KMT2D: variants seen among roughly 807,000 people sequenced by gnomAD.
KMT2D encodes histone-lysine N-methyltransferase 2D.
A neutral mutation model predicts 512.7 loss-of-function variants in KMT2D; 55 were observed. That is an observed-to-expected ratio of 0.11 (90% CI 0.09 to 0.13). The LOEUF (loss-of-function observed/expected upper bound fraction) is 0.13, where lower values mean the gene tolerates loss of function less well. Ranked by LOEUF, KMT2D falls within the 10% of genes least tolerant of loss-of-function variation. The pLI, the probability that KMT2D is intolerant of heterozygous loss-of-function variation, is 1.00. For missense variants in KMT2D, 6,061 were observed against 7,127.9 expected, an observed-to-expected ratio of 0.85 and a Z score of 5.39; for synonymous variants, 2,995 against 2,904.0, an observed-to-expected ratio of 1.03 and a Z score of -1.01.
At position 49,050,151 on chromosome 12, in the gene KMT2D, C is replaced by G. The variant is rs2120646352; in HGVS notation, c.3437G>C (p.Ser1146Thr). Residue 1146 changes from serine to threonine, a missense_variant, in exon 12 of 55, where the codon AGT becomes ACT. Transcript: ENST00000301067. ...EPGQTPGSLA[S>T]ELKGSPVLLD... is the part of the protein sequence containing the mutation. ...GAGCACAGGGGAGCCTTTAAGTTCA[C>G]TAGCCAAACTGCCAGGGGTCTGTCC... The G allele has an allele frequency of 1.2e-6, 2 of 1,613,574 alleles. No homozygotes were observed. The highest frequency in any genetic ancestry group is 1.7e-6 in the Non-Finnish European group (2 of 1,179,802).
Position 49,055,338 on chromosome 12 carries a change from T to A in KMT2D, c.-14A>T, listed in dbSNP as rs746552370. ...CTGGCTGTCCATCCCTCTCTCCGACTGGGCAGGGCCCTCTCGGGGAGACCT... is the reference window on the plus strand; with the variant it reads ...CTGGCTGTCCATCCCTCTCTCCGACAGGGCAGGGCCCTCTCGGGGAGACCT... On this transcript the variant is annotated 5_prime_UTR_variant, in exon 2 of 55. Transcript: ENST00000301067. 2 of 1,613,398 alleles carry A rather than the reference T, an allele frequency of 1.2e-6. No individual in the cohort carries two copies. The highest frequency in any genetic ancestry group is 1.7e-6 in the Non-Finnish European group (2 of 1,179,470).
Position 49,038,530 on chromosome 12 carries a change from C to T in KMT2D, c.8826G>A (p.Leu2942=), listed in dbSNP as rs1292633809. ...QKPSAPPAPE[L]NNSLHPTPHT... is the part of the protein sequence containing the mutation. ...GGGGTGTTGGATGAAGACTGTTGTT[C>T]AATTCAGGGGCCGGTGGGGCTGAGG... The change falls in exon 35 of 55, where the codon TTG becomes TTA. Residue 2942 remains leucine, a synonymous_variant. Coordinates refer to ENST00000301067, the MANE Select transcript of KMT2D (RefSeq NM_003482.4). The surrounding 1 kb of genome is among the most constrained non-coding windows in gnomAD (Gnocchi z 5.7). 1.2e-6 allele frequency: 2 copies of T among 1,609,770 alleles called. No homozygotes were observed. Among genetic ancestry groups the T allele is most frequent in the Non-Finnish European group, 1.7e-6 (2 of 1,176,838 alleles).
At chr12:49,053,184 G>T (rs370649060) in intron 8 of KMT2D, 23 bp downstream of exon 8, 2 of 1,610,330 alleles carry the variant, frequency 1.2e-6, no homozygotes, top group South Asian at 1.1e-5. Context: ...AGGGACAATA[G>T]GGCAGAATCA....
In KMT2D at chr12:49,040,111, C is replaced by A. The variant is rs768993367; in HGVS notation, c.7659G>T (p.Gln2553His). 2.5e-5 allele frequency: 41 copies of A among 1,613,886 alleles called. No homozygotes were observed. The highest frequency in any genetic ancestry group is 3.4e-5 in the Non-Finnish European group (40 of 1,179,834). ...GEPSLKPPVP[Q>H]PGLPPPHGIN... ...TCCCATGGGGTGGCGGGAGACCAGG[C>A]TGAGGGACAGGGGGCTTTAGGGAAG... The change falls in exon 32 of 55, where the codon CAG becomes CAT. Residue 2553 changes from glutamine (Q) to histidine (H), a missense_variant. This residue lies in a region of KMT2D where 710 missense variants were observed against 647.3 expected (regional missense o/e 1.10). Transcript: ENST00000301067.
rs1401028849 is a variant in KMT2D, at chr12:49,037,680, G to A, written c.9676C>T (p.Pro3226Ser). 2 of 1,584,438 alleles carry A rather than the reference G, an allele frequency of 1.3e-6. 1 individual carries two copies. ...TCTAGCTCATCCCCAGATGCTGCAG[G>A]TCCACCAGGCAAGGTCAAAGCCCCA... ...ESGALTLPGG[P>S]AASGDELDKM... Residue 3226 changes from proline (P) to serine (S), a missense_variant, in exon 35 of 55, where the codon CCT (proline) becomes TCT (serine). This residue lies in a region of KMT2D where 533 missense variants were observed against 539.6 expected (regional missense o/e 0.99). Coordinates refer to ENST00000301067, the MANE Select transcript of KMT2D (RefSeq NM_003482.4).
Position 49,026,125 on chromosome 12 carries a change from A to T in KMT2D, c.15784+57T>A, listed in dbSNP as rs889059822. 6 of 1,470,126 alleles carry T rather than the reference A, an allele frequency of 4.1e-6. No individual in the cohort carries two copies. The highest frequency in any genetic ancestry group is 4.6e-6 in the Non-Finnish European group (5 of 1,090,666). The allele number at this position is 1,470,126 out of a possible 1,614,324, so 91.1% of individuals were successfully genotyped here. On this transcript the variant is annotated intron_variant, in intron 49 of 54. Transcript: ENST00000301067. The surrounding 1 kb of genome is among the most constrained non-coding windows in gnomAD (Gnocchi z 9.6). ...TCCTCTTATAGACATTGTAACAGTG[A>T]CCCTGGGAGAAACTTTTCCCATTCC...
At position 49,037,857 on chromosome 12, in the gene KMT2D, G is replaced by A. The variant is rs370155635; in HGVS notation, c.9499C>T (p.Arg3167Trp). The part of the protein sequence containing the change: ...GQSMMGSRDT[R>W]MGTGPFSSSG... ...CTAGAAAATGGCCCTGTGCCCATCC[G>A]GGTATCCCGGCTGCCCATCATGCTC... The change falls in exon 35 of 55, where the codon CGG becomes TGG. Residue 3167 changes from arginine (R) to tryptophan (W), a missense_variant. This residue lies in a region of KMT2D where 533 missense variants were observed against 539.6 expected (regional missense o/e 0.99). Coordinates refer to ENST00000301067, the MANE Select transcript of KMT2D (RefSeq NM_003482.4). 2.1e-5 allele frequency: 33 copies of A among 1,596,074 alleles called. No individual in the cohort carries two copies. Among genetic ancestry groups the A allele is most frequent in the Non-Finnish European group, 2.6e-5 (30 of 1,171,448 alleles).
At chr12:49,052,483 G>T (rs1938133208) in intron 10 of KMT2D, 59 bp from the exon 11 acceptor site, 1 of 1,559,840 alleles carries the variant, frequency 6.4e-7, no homozygotes, top group Non-Finnish European at 8.7e-7. Flanking sequence ...CAGAAAGTGT[G>T]GGGTCTGGGG....
In KMT2D at chr12:49,024,758, G is replaced by T; in HGVS notation, c.15922-50C>A. 6.2e-7 allele frequency: 1 copy of T among 1,608,360 alleles called. No individual in the cohort carries two copies. The highest frequency in any genetic ancestry group is 8.5e-7 in the Non-Finnish European group (1 of 1,175,866). On this transcript the variant is annotated intron_variant, in intron 50 of 54. Coordinates refer to ENST00000301067, the MANE Select transcript of KMT2D (RefSeq NM_003482.4). The surrounding 1 kb of genome is among the most constrained non-coding windows in gnomAD (Gnocchi z 4.5). ...TTAGCCTGAGTTTTTTTGGGGTTAGGCCAAAGTTCTCAGTGCCCGCCAAGC... is the reference window on the plus strand; with the variant it reads ...TTAGCCTGAGTTTTTTTGGGGTTAGTCCAAAGTTCTCAGTGCCCGCCAAGC...
In KMT2D at chr12:49,030,727, G is replaced by C; in HGVS notation, c.13713C>G (p.Ala4571=). 1 of 1,613,726 alleles carries C rather than the reference G, an allele frequency of 6.2e-7. No individual in the cohort carries two copies. The highest frequency in any genetic ancestry group is 8.5e-7 in the Non-Finnish European group (1 of 1,179,900). Residue 4571 remains alanine (A), a synonymous_variant, in exon 42 of 55, where the codon GCC becomes GCG. Transcript: ENST00000301067. ...LLPLTEPAIT[A]NFSLFAPFGS... is the part of the protein sequence containing the mutation. ...CAAAGGGGGCAAAGAGGCTAAAATT[G>C]GCGGTGATAGCAGGCTCCGTTAGGG...
intron 40 of KMT2D, 44 bp downstream of exon 40, chr12:49,031,131 T>C (rs1942886444): frequency 6.2e-7 from 1 of 1,608,890 alleles, no homozygotes. Context: ...CCCCGCTGGC[T>C]CTAGGACCCA....
chr12:49,046,740 C>A lies in KMT2D; in HGVS notation c.4287G>T (p.Val1429=), dbSNP rs747613171. The A allele has an allele frequency of 6.2e-7, 1 of 1,613,996 alleles. No individual in the cohort carries two copies. Among genetic ancestry groups the A allele is most frequent in the Non-Finnish European group, 8.5e-7 (1 of 1,179,888 alleles). ...CGGAGGCCTGGCCACACACCTCACA[C>A]ACAATACACTCCACACAACGCCAGC... ...LKGWRCVECI[V]CEVCGQASDP... The change falls in exon 16 of 55, where the codon GTG becomes GTT. Residue 1429 remains valine (V), a synonymous_variant. Transcript: ENST00000301067. This position sits in a 1 kb window ranked among gnomAD's most constrained non-coding sequence, Gnocchi z 4.2.
chr12:49,054,149 G>A lies in KMT2D; in HGVS notation c.511-9C>T, dbSNP rs1938256229. 3 of 1,588,898 alleles carry A rather than the reference G, an allele frequency of 1.9e-6. No individual in the cohort carries two copies. Among genetic ancestry groups the A allele is most frequent in the African/African-American group, 1.3e-5 (1 of 74,430 alleles). On this transcript the variant is annotated splice_polypyrimidine_tract_variant and intron_variant, in intron 5 of 54. Transcript: ENST00000301067. This position sits in a 1 kb window ranked among gnomAD's most constrained non-coding sequence, Gnocchi z 6.4. ...GTGCAGTGGGAGCAGCGCTGCCAGG[G>A]TGAAAAAAGAGCCTCAGTGTCAGCC... is the stretch of plus-strand genomic sequence containing the variant.
In KMT2D at chr12:49,026,221, C is replaced by T. The variant is rs1213973719; in HGVS notation, c.15745G>A (p.Gly5249Ser). The change falls in exon 49 of 55, where the codon GGC (glycine) becomes AGC (serine). Residue 5249 changes from glycine (G) to serine (S), a missense_variant. Gly to Ser is a moderately conservative substitution (Grantham distance 56). Coordinates refer to ENST00000301067, the MANE Select transcript of KMT2D (RefSeq NM_003482.4). The surrounding 1 kb of genome is among the most constrained non-coding windows in gnomAD (Gnocchi z 9.6). ...PEFVIKVIEQ[G>S]LEDLVFTDAS... is the part of the protein sequence containing the mutation. ...TCAGTGAAGACCAGGTCCTCCAGGCCCTGCTCGATGACTTTGATTACAAAC... is the reference window on the plus strand; with the variant it reads ...TCAGTGAAGACCAGGTCCTCCAGGCTCTGCTCGATGACTTTGATTACAAAC... 2 of 1,598,714 alleles carry T rather than the reference C, an allele frequency of 1.3e-6. No homozygotes were observed. Among genetic ancestry groups the T allele is most frequent in the African/African-American group, 1.3e-5 (1 of 74,686 alleles).
In KMT2D at chr12:49,031,964, C is replaced by G. The variant is rs781459185; in HGVS notation, c.12741G>C (p.Gly4247=). 1.3e-6 allele frequency: 2 copies of G among 1,567,230 alleles called. No individual in the cohort carries two copies. The highest frequency in any genetic ancestry group is 4.5e-5 in the East Asian group (2 of 44,426). ...VRQTPPYQEP[G]TQTSPLQGLL... is the part of the protein sequence containing the mutation. ...GGCCCTGGAGGGGAGAGGTCTGGGT[C>G]CCAGGCTCCTGGTAGGGTGGGGTCT... Residue 4247 remains glycine (G), a synonymous_variant, in exon 40 of 55, where the codon GGG becomes GGC. Transcript: ENST00000301067.
Position 49,043,398 on chromosome 12 carries a change from T to G in KMT2D, c.5498A>C (p.Glu1833Ala). The G allele has an allele frequency of 6.2e-7, 1 of 1,613,952 alleles. No individual in the cohort carries two copies. Among genetic ancestry groups the G allele is most frequent in the Non-Finnish European group, 8.5e-7 (1 of 1,179,880 alleles). The part of the protein sequence containing the change: ...GDDGPDIADE[E>A]SRGLEGKADT... Reference sequence around the variant, plus strand: ...GGCTTTGCCCTCGAGGCCACGGGATTCTTCATCTGCAATATCTGGACCATC... The same window carrying G: ...GGCTTTGCCCTCGAGGCCACGGGATGCTTCATCTGCAATATCTGGACCATC... Residue 1833 changes from glutamate (E) to alanine (A), a missense_variant, in exon 25 of 55, where the codon GAA (glutamate) becomes GCA (alanine). Glu to Ala is a moderately radical substitution (Grantham distance 107). Coordinates refer to ENST00000301067, the MANE Select transcript of KMT2D (RefSeq NM_003482.4).
At position 49,042,174 on chromosome 12, in the gene KMT2D, C is replaced by T; in HGVS notation, c.6024G>A (p.Lys2008=). Residue 2008 remains lysine (K), a synonymous_variant, in exon 29 of 55, where the codon AAG becomes AAA. Transcript: ENST00000301067. The surrounding 1 kb of genome is among the most constrained non-coding windows in gnomAD (Gnocchi z 4.4). The part of the protein sequence containing the change: ...YNQRSLQRWE[K]DEELGQLSTI... ...TGGACAGCTGGCCCAACTCCTCATC[C>T]TTCTCCCAGCGCTGAAGACTCCGCT... 6.2e-7 allele frequency: 1 copy of T among 1,612,162 alleles called. No homozygotes were observed. The highest frequency in any genetic ancestry group is 8.5e-7 in the Non-Finnish European group (1 of 1,179,224).
intron 25 of KMT2D, 72 bp downstream of exon 25, chr12:49,043,291 G>A (rs1450376485): frequency 2.1e-5 from 32 of 1,558,618 alleles, no homozygotes; most frequent in Non-Finnish European, 8.9e-7. Flanking sequence ...CACTGACAAT[G>A]CTCAGGGGCA....
At position 49,033,326 on chromosome 12, in the gene KMT2D, T is replaced by C. The variant is rs767177188; in HGVS notation, c.11379A>G (p.Gln3793=). ...GCATGCCCTGGGGCCCCTGGGGTGG[T>C]TGAGGGGACAGCTGCTGGACCAGGA... ...QGLLVQQLSP[Q]PPQGPQGMLG... is the part of the protein sequence containing the mutation. Residue 3793 remains glutamine (Q), a synonymous_variant, in exon 40 of 55, where the codon CAA becomes CAG. Coordinates refer to ENST00000301067, the MANE Select transcript of KMT2D (RefSeq NM_003482.4). The C allele has an allele frequency of 1.4e-5, 23 of 1,593,638 alleles. No individual in the cohort carries two copies. The highest frequency in any genetic ancestry group is 1.9e-5 in the Non-Finnish European group (22 of 1,170,520).
Sources: gnomAD v4.1 joint callset for allele counts on GRCh38, gnomAD v4.1.1 for gene constraint, gnomAD v4.1.1 regional missense constraint, Gnocchi (gnomAD v3.1) non-coding constraint, MANE v1.5 for transcripts, NCBI Gene and HGNC (gene_info 2026-07-23, HGNC 2026-07-21) for gene names.